Variants in HIRA observed in about 807,000 individuals in gnomAD.
HIRA encodes the protein protein HIRA.
Under a neutral mutation model 126.6 loss-of-function variants are expected in HIRA, and 13 were observed. The observed-to-expected ratio is 0.10, with a 90% CI of 0.07 to 0.16. HIRA has a LOEUF of 0.16. Ranked by LOEUF, HIRA falls within the 10% of genes least tolerant of loss-of-function variation. The probability of loss-of-function intolerance (pLI) is 1.00; values close to 1 mark genes in which losing one functional copy is unlikely to be tolerated. For synonymous variants in HIRA, 511 were observed against 520.0 expected, an observed-to-expected ratio of 0.98 and a Z score of 0.24; for missense variants, 834 against 1,314.4, an observed-to-expected ratio of 0.63 and a Z score of 5.65.
chr22:19,377,021 T>G (rs1466256500), intron 14 of HIRA, among the ~76,000 whole-genome samples: 3 of 152,220 alleles, frequency 2.0e-5, no homozygotes, highest in Non-Finnish European at 1.5e-5. Flanking sequence ...CACCTTGGCC[T>G]TCTCCCTCTT....
intron 1 of HIRA, 105 bp downstream of exon 1, chr22:19,431,335 C>T (rs2089536720): frequency 7.7e-7 from 1 of 1,298,274 alleles, no homozygotes; most frequent in East Asian, 2.4e-5. Flanking sequence ...CACCGGGTAC[C>T]GGGCGTCAGG....
In HIRA at chr22:19,396,939, C is replaced by T. The variant is rs1018731405; in HGVS notation, c.502G>A (p.Ala168Thr). 6.2e-7 allele frequency: 1 copy of T among 1,614,042 alleles called. No individual in the cohort carries two copies. Among genetic ancestry groups the T allele is most frequent in the Non-Finnish European group, 8.5e-7 (1 of 1,179,960 alleles). Residue 168 changes from alanine (A) to threonine (T), a missense_variant, in exon 7 of 25, where the codon GCT becomes ACT. Transcript: ENST00000263208. ...AAGCCAGAATGACCTCTCAGAGTAG[C>T]TAGAATTTCTGTGAAGAAAAAAGGA... ...WNAVKFPEIL[A>T]TLRGHSGLVK...
intron 15 of HIRA, among the ~76,000 whole-genome samples, chr22:19,370,709 C>A (rs553937493): frequency 2.6e-5 from 4 of 152,208 alleles, no homozygotes; most frequent in African/African-American, 4.8e-5. Flanking sequence ...CCAACCCAAC[C>A]TGAGAATTCA....
chr22:19,405,765 C>A (rs776366939), intron 5 of HIRA, 21 bp downstream of exon 5: 5 of 1,381,462 alleles, frequency 3.6e-6, no homozygotes, highest in South Asian at 1.8e-5. Context: ...CCCACCCACC[C>A]CAACAGGCAG....
rs1196495489 is a variant in HIRA at position 19,431,534 on chromosome 22, G to C, written c.-58C>G. On this transcript the variant is annotated 5_prime_UTR_variant, in exon 1 of 25. Transcript: ENST00000263208. ...AGCGCCGGGTCCCTCAGCGCGCCCG[G>C]GCCATGGAGCCACCGCCGCCGCTTC... 8 of 1,361,838 alleles carry C rather than the reference G, an allele frequency of 5.9e-6. No homozygotes were observed. The East Asian group carries it at 1.0e-4, about 17-fold the overall frequency. 84.4% of individuals were successfully genotyped at this position (1,361,838 alleles called of 1,614,324 possible).
At chr22:19,340,385 A>G (rs1161621716) in intron 24 of HIRA, among the ~76,000 whole-genome samples, 1 of 152,172 alleles carries the variant, frequency 6.6e-6, no homozygotes, top group Non-Finnish European at 1.5e-5. Flanking sequence ...AATAAAAGCC[A>G]CTATGACAAA....
intron 5 of HIRA, among the ~76,000 whole-genome samples, chr22:19,401,170 TGCCTAG>T (rs967216209): frequency 6.6e-6 from 1 of 152,166 alleles, no homozygotes; most frequent in African/African-American, 2.4e-5. Flanking sequence ...ATATTGCACT[TGCCTAG>T]GCCCCCAGCA....
At chr22:19,347,139 C>T (rs1181680653) in intron 24 of HIRA, among the ~76,000 whole-genome samples, 4 of 152,222 alleles carry the variant, frequency 2.6e-5, no homozygotes, top group African/African-American at 9.6e-5. Flanking sequence ...GCCTGCCTCC[C>T]ACTCTAGTAG....
chr22:19,353,091 G>A (rs2088774773), intron 23 of HIRA, among the ~76,000 whole-genome samples: 1 of 152,258 alleles, frequency 6.6e-6, no homozygotes, highest in South Asian at 2.1e-4. Context: ...TTCAGACCAT[G>A]TCTTTCCACC....
At position 19,407,216 on chromosome 22, in the gene HIRA, A is replaced by G; in HGVS notation, c.270T>C (p.Asp90=). Residue 90 remains aspartate (D), a synonymous_variant, in exon 4 of 25, where the codon GAT becomes GAC. Coordinates refer to ENST00000263208, the MANE Select transcript of HIRA (RefSeq NM_003325.4). ...GCTTCCACACCATAATCAGTTTGTC[A>G]TCTCCCCCAGAAGCTAAATACATCC... is the stretch of plus-strand genomic sequence containing the variant. ...NSGMYLASGG[D]DKLIMVWKRA... is the part of the protein sequence containing the mutation. 6.2e-7 allele frequency: 1 copy of G among 1,614,072 alleles called. No individual in the cohort carries two copies. Among genetic ancestry groups the G allele is most frequent in the Non-Finnish European group, 8.5e-7 (1 of 1,179,972 alleles).
At chr22:19,415,041 G>A (rs2146249302) in intron 1 of HIRA, among the ~76,000 whole-genome samples, 1 of 152,196 alleles carries the variant, frequency 6.6e-6, no homozygotes, top group African/African-American at 2.4e-5. Flanking sequence ...TACCTCCTAA[G>A]TTCAAGCGAT....
At chr22:19,364,791 A>C in intron 15 of HIRA, among the ~76,000 whole-genome samples, 1 of 152,186 alleles carries the variant, frequency 6.6e-6, no homozygotes, top group Non-Finnish European at 1.5e-5. Context: ...CCTCTAAGTA[A>C]GTGTTAAACC....
chr22:19,385,789 G>A, intron 11 of HIRA, 53 bp from the exon 12 acceptor site: 1 of 1,544,356 alleles, frequency 6.5e-7, no homozygotes, highest in Non-Finnish European at 8.8e-7. Flanking sequence ...AGTGTGGCCA[G>A]TGCTGCCCAC....
chr22:19,378,556 C>A (rs929319159), intron 13 of HIRA, among the ~76,000 whole-genome samples: 1 of 152,248 alleles, frequency 6.6e-6, no homozygotes, highest in Non-Finnish European at 1.5e-5. Flanking sequence ...AGTGTCAGAA[C>A]TGAGGATTCT....
At chr22:19,349,800 T>C (rs1405314589) in intron 24 of HIRA, among the ~76,000 whole-genome samples, 1 of 152,144 alleles carries the variant, frequency 6.6e-6, no homozygotes, top group Non-Finnish European at 1.5e-5. Flanking sequence ...CTCTGGCCTT[T>C]TGATGTCAAC....
chr22:19,400,723 C>G (rs922833359), intron 5 of HIRA, among the ~76,000 whole-genome samples: 5 of 152,184 alleles, frequency 3.3e-5, no homozygotes, highest in Admixed American at 2.6e-4. Context: ...TTCTCACCAT[C>G]ATTCTTGGTG....
At chr22:19,334,164 A>T (rs543943946) in intron 24 of HIRA, among the ~76,000 whole-genome samples, 72 of 150,990 alleles carry the variant, frequency 4.8e-4, no homozygotes, top group African/African-American at 1.7e-3. Flanking sequence ...TTTAGTAGAG[A>T]TGGGGTTCCA....
intron 13 of HIRA, among the ~76,000 whole-genome samples, chr22:19,382,771 C>CTTT (rs796469831): frequency 8.8e-5 from 9 of 102,126 alleles, no homozygotes; most frequent in African/African-American, 5.1e-4. Flanking sequence ...ATTTTTCTTT[C>CTTT]TTTTTTTTTT....
intron 12 of HIRA, 135 bp downstream of exon 12, chr22:19,385,386 A>T: frequency 1.3e-6 from 1 of 776,810 alleles, no homozygotes; most frequent in Non-Finnish European, 2.0e-6. Context: ...AGGGGCCAAC[A>T]GGCCCGAGGC....
Sources: gnomAD v4.1 joint callset for allele counts (sites outside exome capture counted in the v4.1 genomes callset) on GRCh38, gnomAD v4.1.1 for gene constraint, MANE v1.5 for transcripts, NCBI Gene and HGNC (gene_info 2026-07-23, HGNC 2026-07-21) for gene names.